Variants in TOE1 observed in about 807,000 individuals in gnomAD.
TOE1 encodes target of EGR1 protein 1.
TOE1 carries 50 observed loss-of-function variants against 49.2 expected under a neutral mutation model. That is an observed-to-expected ratio of 1.02 (90% CI 0.81 to 1.29). TOE1 has a LOEUF of 1.29. Ranked by LOEUF, TOE1 falls within the 50% of genes most tolerant of loss-of-function variation. The probability of loss-of-function intolerance (pLI) is 0.00; values close to 1 mark genes in which losing one functional copy is unlikely to be tolerated. For missense variants in TOE1, 544 were observed against 654.4 expected (o/e 0.83, Z 1.84); for synonymous variants, 221 against 247.0 (o/e 0.89, Z 0.99).
intron 4 of TOE1, 120 bp downstream of exon 4, chr1:45,341,689 T>G (rs956911480): frequency 7.2e-6 from 7 of 966,158 alleles, no homozygotes; most frequent in African/African-American, 3.4e-5. Flanking sequence ...CTTGATAGTT[T>G]TTTTTTTTTT....
rs554316204 is a variant in TOE1 at position 45,341,058 on chromosome 1, C to T, written c.53-15C>T. ...TTCCTTAAGCATGAACATCCATCAC[C>T]CTCCTAACCCCCAGGTGGTGTCAGC... is the stretch of plus-strand genomic sequence containing the variant. On this transcript the variant is annotated splice_polypyrimidine_tract_variant and intron_variant, in intron 1 of 7. Coordinates refer to ENST00000372090, the MANE Select transcript of TOE1 (RefSeq NM_025077.4). The T allele has an allele frequency of 9.3e-6, 15 of 1,614,126 alleles. No homozygotes were observed. The South Asian group carries it at 1.3e-4, about 14-fold the overall frequency.
In TOE1 at chr1:45,342,419, A is replaced by G; in HGVS notation, c.528A>G (p.Leu176=). 1 of 1,614,024 alleles carries G rather than the reference A, an allele frequency of 6.2e-7. No individual in the cohort carries two copies. Among genetic ancestry groups the G allele is most frequent in the Non-Finnish European group, 8.5e-7 (1 of 1,180,012 alleles). ...DESQSQSVRT[L]FLELIRARRP... is the part of the protein sequence containing the mutation. Reference sequence around the variant, plus strand: ...GCCAGAGCCAGTCAGTACGGACCCTATTCCTGGAGCTAATCCGAGCCCGCC... The same window carrying G: ...GCCAGAGCCAGTCAGTACGGACCCTGTTCCTGGAGCTAATCCGAGCCCGCC... The change falls in exon 6 of 8, where the codon CTA becomes CTG. Residue 176 remains leucine (L), a synonymous_variant. Transcript: ENST00000372090.
Position 45,341,986 on chromosome 1 carries a change from C to T in TOE1, c.371C>T (p.Thr124Ile). 3 of 1,614,096 alleles carry T rather than the reference C, an allele frequency of 1.9e-6. No individual in the cohort carries two copies. The highest frequency in any genetic ancestry group is 1.7e-6 in the Non-Finnish European group (2 of 1,179,982). The change falls in exon 5 of 8, where the codon ACT (threonine) becomes ATT (isoleucine). Residue 124 changes from threonine to isoleucine, a missense_variant. Thr to Ile is a moderately conservative substitution (Grantham distance 89). Coordinates refer to ENST00000372090, the MANE Select transcript of TOE1 (RefSeq NM_025077.4). ...TATCTGGCTCAAGTGTTCAATCTCACTCTGCTGTGCATGGAGGAGTATGTC... is the reference window on the plus strand; with the variant it reads ...TATCTGGCTCAAGTGTTCAATCTCATTCTGCTGTGCATGGAGGAGTATGTC... ...HSYLAQVFNLTLLCMEEYVIE... is the reference protein window; with the variant it reads ...HSYLAQVFNLILLCMEEYVIE...
In TOE1 at chr1:45,343,913, T is replaced by A; in HGVS notation, c.*211T>A. The A allele has an allele frequency of 2.2e-6, 1 of 458,130 alleles. No homozygotes were observed. 28.4% of individuals were successfully genotyped at this position (458,130 alleles called of 1,614,324 possible). On this transcript the variant is annotated 3_prime_UTR_variant, in exon 8 of 8. Coordinates refer to ENST00000372090, the MANE Select transcript of TOE1 (RefSeq NM_025077.4). This position sits in a 1 kb window ranked among gnomAD's most constrained non-coding sequence, Gnocchi z 4.3. ...GTAACACTGACTTTATTTTTAAGTCTGAAAATGTCTTGGGAAAGTTTTACA... is the reference window on the plus strand; with the variant it reads ...GTAACACTGACTTTATTTTTAAGTCAGAAAATGTCTTGGGAAAGTTTTACA...
chr1:45,341,667 C>CT lies in TOE1; in HGVS notation c.333+107dup, dbSNP rs981224578. 6.9e-4 allele frequency: 761 copies of CT among 1,100,818 alleles called. 4 individuals are homozygous for CT. In the Middle Eastern group the frequency reaches 8.0e-3, roughly 12 times the overall value. The allele number at this position is 1,100,818 out of a possible 1,614,324, so 68.2% of individuals were successfully genotyped here. ...GATAGGAAGCATTTCTCTCCCAAAT[C>CT]TTTTTTTTTGACTTGATAGTTTTTT... On this transcript the variant is annotated intron_variant, in intron 4 of 7. Coordinates refer to ENST00000372090, the MANE Select transcript of TOE1 (RefSeq NM_025077.4).
intron 4 of TOE1, 128 bp downstream of exon 4, chr1:45,341,697 T>A (rs1335467087): frequency 2.0e-5 from 19 of 933,760 alleles, no homozygotes; most frequent in Admixed American, 8.7e-5. Flanking sequence ...TTTTTTTTTT[T>A]TTATTTGAAT....
At chr1:45,342,694 A>G (rs753310408) in intron 6 of TOE1, 51 bp downstream of exon 6, 19 of 1,605,120 alleles carry the variant, frequency 1.2e-5, no homozygotes, top group Non-Finnish European at 1.5e-5. Flanking sequence ...AGTTTATTTC[A>G]TTCACTTAAG....
At chr1:45,340,356 G>A (rs1476146474) in intron 1 of TOE1, 52 bp downstream of exon 1, 2 of 1,576,370 alleles carry the variant, frequency 1.3e-6, no homozygotes, top group Non-Finnish European at 1.7e-6. Flanking sequence ...CTGGGAGAGG[G>A]GAAGGCCTCG....
Position 45,340,215 on chromosome 1 carries a change from G to A in TOE1, c.-38G>A, listed in dbSNP as rs774530388. 6 of 1,613,794 alleles carry A rather than the reference G, an allele frequency of 3.7e-6. No individual in the cohort carries two copies. Among genetic ancestry groups the A allele is most frequent in the Non-Finnish European group, 5.1e-6 (6 of 1,180,026 alleles). ...CCAGGAGACGGACCGCAAGTCCAGC[G>A]TACCCACAGACGACTCAGGCGGGAG... On this transcript the variant is annotated 5_prime_UTR_variant, in exon 1 of 8. Transcript: ENST00000372090.
intron 5 of TOE1, 127 bp from the exon 6 acceptor site, chr1:45,342,257 A>G: frequency 6.7e-7 from 1 of 1,498,180 alleles, no homozygotes; most frequent in Non-Finnish European, 9.1e-7. Context: ...TGGTATGAGG[A>G]GGGTGGGCAG....
chr1:45,341,851 C>G (rs766893502), intron 4 of TOE1, 98 bp from the exon 5 acceptor site: 23 of 1,327,978 alleles, frequency 1.7e-5, no homozygotes, highest in Admixed American at 1.1e-4. Flanking sequence ...TCCTTTCCCC[C>G]CTGAGTCCCC....
At position 45,342,503 on chromosome 1, in the gene TOE1, T is replaced by C. The variant is rs759496191; in HGVS notation, c.612T>C (p.Tyr204=). The change falls in exon 6 of 8, where the codon TAT becomes TAC. Residue 204 remains tyrosine, a synonymous_variant. Transcript: ENST00000372090. ...IDLVFLYQNF[Y]AHLPESLGTF... ...TGGTGTTCCTGTACCAGAACTTCTA[T>C]GCACACCTCCCTGAGAGTCTGGGAA... is the stretch of plus-strand genomic sequence containing the variant. 6.2e-7 allele frequency: 1 copy of C among 1,614,138 alleles called. No individual in the cohort carries two copies. The highest frequency in any genetic ancestry group is 8.5e-7 in the Non-Finnish European group (1 of 1,180,024).
At chr1:45,340,751 A>G (rs929660069) in intron 1 of TOE1, among the ~76,000 whole-genome samples, 1 of 152,172 alleles carries the variant, frequency 6.6e-6, no homozygotes, top group Non-Finnish European at 1.5e-5. Flanking sequence ...CAAGCCCTAC[A>G]AAATGTTTCC....
chr1:45,341,201 G>T lies in TOE1; in HGVS notation c.181G>T (p.Val61Leu). ...LLLAIKTANF[V>L]AVDTELSGLG... ...GCTAGCCATAAAGACAGCTAATTTCGTGGCTGTGGACACGGTGAGAGTTGG... is the reference window on the plus strand; with the variant it reads ...GCTAGCCATAAAGACAGCTAATTTCTTGGCTGTGGACACGGTGAGAGTTGG... The change falls in exon 2 of 8, where the codon GTG (valine) becomes TTG (leucine). Residue 61 changes from valine (V) to leucine (L), a missense_variant. Transcript: ENST00000372090. 1.2e-6 allele frequency: 2 copies of T among 1,614,180 alleles called. No homozygotes were observed. Among genetic ancestry groups the T allele is most frequent in the East Asian group, 2.2e-5 (1 of 44,880 alleles).
chr1:45,340,718 G>C (rs1244667567), intron 1 of TOE1, among the ~76,000 whole-genome samples: 1 of 152,154 alleles, frequency 6.6e-6, no homozygotes, highest in African/African-American at 2.4e-5. Context: ...ATCCCTGTGG[G>C]ATATTAAGGG....
rs1647030083 is a variant in TOE1, at chr1:45,342,089, C to T, written c.474C>T (p.Tyr158=). The T allele has an allele frequency of 6.2e-7, 1 of 1,613,774 alleles. No individual in the cohort carries two copies. The highest frequency in any genetic ancestry group is 1.1e-5 in the South Asian group (1 of 91,078). The part of the protein sequence containing the change: ...FNQQYAQGIP[Y]HKGNDKGDES... The stretch of plus-strand genomic sequence containing the variant: ...AGCAGTATGCCCAAGGCATCCCCTA[C>T]CATAAGGGCAATGACAAGGTAGGCC... Residue 158 remains tyrosine (Y), a synonymous_variant, in exon 5 of 8, where the codon TAC becomes TAT. Transcript: ENST00000372090.
chr1:45,343,462 A>C lies in TOE1; in HGVS notation c.1293A>C (p.Pro431=). 6.2e-7 allele frequency: 1 copy of C among 1,614,164 alleles called. No homozygotes were observed. The highest frequency in any genetic ancestry group is 8.5e-7 in the Non-Finnish European group (1 of 1,180,028). The change falls in exon 8 of 8, where the codon CCA becomes CCC. Residue 431 remains proline (P), a synonymous_variant. Coordinates refer to ENST00000372090, the MANE Select transcript of TOE1 (RefSeq NM_025077.4). This position sits in a 1 kb window ranked among gnomAD's most constrained non-coding sequence, Gnocchi z 4.3. ...EVPGSQASPN[P]VPGDGLHRAG... ...CAGGGAGCCAAGCCAGTCCTAACCC[A>C]GTGCCTGGGGATGGATTGCACCGGG...
rs1294014918 is a variant in TOE1 at position 45,343,455 on chromosome 1, C to G, written c.1286C>G (p.Pro429Arg). 1.9e-6 allele frequency: 3 copies of G among 1,614,054 alleles called. No individual in the cohort carries two copies. Among genetic ancestry groups the G allele is most frequent in the Non-Finnish European group, 1.7e-6 (2 of 1,180,044 alleles). ...GAAGTGCCAGGGAGCCAAGCCAGTC[C>G]TAACCCAGTGCCTGGGGATGGATTG... ...TSEVPGSQAS[P>R]NPVPGDGLHR... Residue 429 changes from proline to arginine, a missense_variant, in exon 8 of 8, where the codon CCT becomes CGT. By Grantham distance (103) the Pro-to-Arg change is moderately radical. Transcript: ENST00000372090. The surrounding 1 kb of genome is among the most constrained non-coding windows in gnomAD (Gnocchi z 4.3).
chr1:45,342,937 T>C lies in TOE1; in HGVS notation c.847T>C (p.Tyr283His). 1 of 1,613,472 alleles carries C rather than the reference T, an allele frequency of 6.2e-7. No homozygotes were observed. The change falls in exon 7 of 8, where the codon TAC (tyrosine) becomes CAC (histidine). Residue 283 changes from tyrosine (Y) to histidine (H), a missense_variant. Transcript: ENST00000372090. The part of the protein sequence containing the change: ...YPSSMRDHID[Y>H]RCCLPPATHR... ...TTCCAGCATGAGGGACCATATTGAT[T>C]ACCGCTGCTGCCTGCCCCCAGCAAC...
Sources: gnomAD v4.1 joint callset for allele counts (sites outside exome capture counted in the v4.1 genomes callset) on GRCh38, gnomAD v4.1.1 for gene constraint, Gnocchi (gnomAD v3.1) non-coding constraint, MANE v1.5 for transcripts, NCBI Gene and HGNC (gene_info 2026-07-23, HGNC 2026-07-21) for gene names.